CCL28: variants seen among roughly 807,000 people sequenced by gnomAD.
The protein encoded by CCL28 is C-C motif chemokine 28.
In CCL28, 4 loss-of-function variants were observed where a neutral mutation model predicts 7.1. The observed-to-expected ratio is 0.56, with a 90% CI of 0.28 to 1.29. CCL28 has a LOEUF of 1.29. Ranked by LOEUF, CCL28 falls within the 50% of genes most tolerant of loss-of-function variation. CCL28 has a pLI of 0.11. For missense variants in CCL28, 151 were observed against 163.4 expected (o/e 0.92, Z 0.41); for synonymous variants, 55 against 57.8 (o/e 0.95, Z 0.22).
downstream of CCL28, among the ~76,000 whole-genome samples, chr5:43,373,795 T>A (rs1250643229): frequency 6.6e-6 from 1 of 152,248 alleles, no homozygotes; most frequent in Admixed American, 6.5e-5. Flanking sequence ...GGCCTGCGTT[T>A]AGCAAAGTTG....
At chr5:43,367,451 C>T in the CCL28 span, among the ~76,000 whole-genome samples, 1 of 152,290 alleles carries the variant, frequency 6.6e-6, no homozygotes, top group East Asian at 1.9e-4. Flanking sequence ...GTTTCTAATG[C>T]CACAGTCCCT....
intron 1 of CCL28, among the ~76,000 whole-genome samples, chr5:43,401,469 T>C (rs1013093848): frequency 1.3e-5 from 2 of 152,326 alleles, no homozygotes; most frequent in East Asian, 1.9e-4. Flanking sequence ...TACTTAAGCA[T>C]GTGGAGACTA....
intron 2 of CCL28, among the ~76,000 whole-genome samples, chr5:43,386,515 C>T (rs925267894): frequency 1.3e-5 from 2 of 152,200 alleles, no homozygotes; most frequent in African/African-American, 4.8e-5. Flanking sequence ...CACAAAGACA[C>T]TCATGCTTAA....
At chr5:43,361,011 G>A in the CCL28 span, among the ~76,000 whole-genome samples, 1 of 152,184 alleles carries the variant, frequency 6.6e-6, no homozygotes, top group South Asian at 2.1e-4. Context: ...CCCAGTGTGT[G>A]TTGTTCCTCC....
intron 2 of CCL28, 62 bp downstream of exon 2, chr5:43,388,288 A>G: frequency 6.3e-7 from 1 of 1,592,928 alleles, no homozygotes; most frequent in Non-Finnish European, 8.6e-7. Context: ...CCAACCTATT[A>G]TTCGTTGGGC....
chr5:43,412,118 T>C (rs1741556814), intron 1 of CCL28, 135 bp downstream of exon 1: 2 of 576,870 alleles, frequency 3.5e-6, no homozygotes, highest in Non-Finnish European at 2.9e-6. Context: ...CATTCTCTTG[T>C]AGGTAATCAG....
At position 43,392,268 on chromosome 5, in the gene CCL28, C is replaced by T. The variant is rs1360270241; in HGVS notation, c.65-3792G>A. On this transcript the variant is annotated intron_variant, in intron 1 of 2. Coordinates refer to ENST00000361115, the MANE Select transcript of CCL28 (RefSeq NM_148672.3). Reference sequence around the variant, plus strand: ...TGTAGCTGGAATTAAAGGTGTGTGCCAACACGCCTGTTTAATTTTTGTATT... The same window carrying T: ...TGTAGCTGGAATTAAAGGTGTGTGCTAACACGCCTGTTTAATTTTTGTATT... 2.0e-5 allele frequency among the ~76,000 whole-genome samples: 3 copies of T among 152,098 alleles called. No individual in the cohort carries two copies. The South Asian group carries it at 6.2e-4, about 32-fold the overall frequency.
the CCL28 span, among the ~76,000 whole-genome samples, chr5:43,369,150 T>G: frequency 6.6e-6 from 1 of 152,070 alleles, no homozygotes; most frequent in Admixed American, 6.6e-5. Context: ...TCACTTTTGC[T>G]GTATTTTATT....
chr5:43,369,278 C>T, the CCL28 span, among the ~76,000 whole-genome samples: 1 of 152,000 alleles, frequency 6.6e-6, no homozygotes, highest in African/African-American at 2.4e-5. Flanking sequence ...CCACCAGGCT[C>T]ATTAGTTGGT....
At chr5:43,409,280 G>C (rs1181527383) in intron 1 of CCL28, among the ~76,000 whole-genome samples, 7 of 152,094 alleles carry the variant, frequency 4.6e-5, no homozygotes, top group Non-Finnish European at 1.0e-4. Flanking sequence ...ACAAAAATTA[G>C]CTGGGTGTGG....
chr5:43,388,301 G>A, intron 2 of CCL28, 49 bp downstream of exon 2: 1 of 1,602,600 alleles, frequency 6.2e-7, no homozygotes, highest in Non-Finnish European at 8.5e-7. Flanking sequence ...CGTTGGGCAG[G>A]GAAATAATCA....
chr5:43,367,842 T>A, the CCL28 span, among the ~76,000 whole-genome samples: 1 of 152,198 alleles, frequency 6.6e-6, no homozygotes, highest in Non-Finnish European at 1.5e-5. Context: ...CCAATGTATG[T>A]TTTATATAGG....
At chr5:43,382,195 A>T in intron 2 of CCL28, 143 bp from the exon 3 acceptor site, 2 of 733,420 alleles carry the variant, frequency 2.7e-6, no homozygotes, top group Admixed American at 3.2e-5. Flanking sequence ...AAGTGTAGAA[A>T]TGAAGTGAAT....
chr5:43,372,961 C>G (rs368894544), downstream of CCL28, among the ~76,000 whole-genome samples: 1 of 151,274 alleles, frequency 6.6e-6, no homozygotes, highest in Non-Finnish European at 1.5e-5. Flanking sequence ...CCACCACGCC[C>G]GGCTAATTTT....
chr5:43,370,075 C>T, the CCL28 span, among the ~76,000 whole-genome samples: 1 of 152,214 alleles, frequency 6.6e-6, no homozygotes, highest in Non-Finnish European at 1.5e-5. Flanking sequence ...GTGCAGCCAT[C>T]TTGGACTTTC....
intron 2 of CCL28, 87 bp downstream of exon 2, chr5:43,388,263 T>G (rs1166334167): frequency 2.7e-6 from 4 of 1,507,826 alleles, no homozygotes; most frequent in Non-Finnish European, 3.6e-6. Flanking sequence ...TATGTTGTAA[T>G]CAAGCAAAGC....
At chr5:43,382,297 G>T (rs982818045) in intron 2 of CCL28, among the ~76,000 whole-genome samples, 1 of 152,006 alleles carries the variant, frequency 6.6e-6, no homozygotes, top group Admixed American at 6.6e-5. Flanking sequence ...TTAAAAGAAA[G>T]AGAAGGAGAA....
At chr5:43,409,677 AAAG>A (rs1741455706) in intron 1 of CCL28, among the ~76,000 whole-genome samples, 1 of 152,168 alleles carries the variant, frequency 6.6e-6, no homozygotes, top group South Asian at 2.1e-4. Context: ...GTACTCTGAG[AAAG>A]AAGGTTGTCA....
the CCL28 span, among the ~76,000 whole-genome samples, chr5:43,359,864 A>G: frequency 7.2e-5 from 11 of 152,122 alleles, no homozygotes; most frequent in East Asian, 1.9e-3. Flanking sequence ...AATCAGTCCC[A>G]TGGCCCCCAC....
Sources: gnomAD v4.1 joint callset for allele counts (sites outside exome capture counted in the v4.1 genomes callset) on GRCh38, gnomAD v4.1.1 for gene constraint, MANE v1.5 for transcripts, NCBI Gene and HGNC (gene_info 2026-07-23, HGNC 2026-07-21) for gene names.